PSG9: variants seen among roughly 807,000 people sequenced by gnomAD.
PSG9 encodes pregnancy-specific beta-1-glycoprotein 9.
In PSG9, 49 loss-of-function variants were observed where a neutral mutation model predicts 41.9. The ratio of observed to expected loss-of-function variants is 1.17; its 90% CI spans 0.93 to 1.48. The LOEUF is 1.48. Ranked by LOEUF, PSG9 falls within the 40% of genes most tolerant of loss-of-function variation. The probability of loss-of-function intolerance (pLI) is 0.00; values close to 1 mark genes in which losing one functional copy is unlikely to be tolerated. For synonymous variants in PSG9, 263 were observed against 196.8 expected (o/e 1.34, Z -2.82); for missense variants, 641 against 520.3 (o/e 1.23, Z -2.26).
At position 43,266,292 on chromosome 19, in the gene PSG9, G is replaced by A. The variant is rs183409524; in HGVS notation, c.430+1492C>T. ...GCAAGAGGTAGTGGGGGGATGAAAC[G>A]TGGGTGTCAGCCTCTGAAGGACAAG... On this transcript the variant is annotated intron_variant, in intron 2 of 5. Coordinates refer to ENST00000270077, the MANE Select transcript of PSG9 (RefSeq NM_002784.5). Among the ~76,000 whole-genome samples the A allele has an allele frequency of 8.7e-3, 1,323 of 152,120 alleles. 16 individuals carry two copies. Among genetic ancestry groups the A allele is most frequent in the African/African-American group, 0.027 (1,139 of 41,468 alleles).
intron 4 of PSG9, 136 bp from the exon 5 acceptor site, chr19:43,258,592 G>A: frequency 7.0e-7 from 1 of 1,424,340 alleles, no homozygotes. Flanking sequence ...TATGTTCACT[G>A]AGCTGAAGCC....
Position 43,258,998 on chromosome 19 carries a change from T to C in PSG9, c.847A>G (p.Ser283Gly). Residue 283 changes from serine (S) to glycine (G), a missense_variant, in exon 4 of 6, where the codon AGT becomes GGT. Physicochemically the swap from Ser to Gly is moderately conservative, Grantham distance 56. Transcript: ENST00000270077. Reference protein sequence around the residue: ...WWLNGQSLPVSPGVKRPIENR... With the variant: ...WWLNGQSLPVGPGVKRPIENR... ...TCAATGGGTCGCTTTACCCCGGGAC[T>C]GACGGGGAGGCTCTGACCGTTTAGC... 1 of 1,590,804 alleles carries C rather than the reference T, an allele frequency of 6.3e-7. No homozygotes were observed.
At chr19:43,254,272 A>T (rs897207252) in intron 5 of PSG9, among the ~76,000 whole-genome samples, 3 of 146,100 alleles carry the variant, frequency 2.1e-5, no homozygotes, top group East Asian at 2.4e-4. Context: ...TGGTGTAAAA[A>T]CTTTCCTGGT....
intron 2 of PSG9, among the ~76,000 whole-genome samples, chr19:43,263,218 TG>T (rs1274061331): frequency 6.6e-6 from 1 of 152,148 alleles, no homozygotes; most frequent in Non-Finnish European, 1.5e-5. Context: ...GTTCCGTGGG[TG>T]TGCAGTTCCA....
intron 2 of PSG9, 40 bp downstream of exon 2, chr19:43,267,744 C>G (rs752892333): frequency 3.7e-6 from 6 of 1,612,080 alleles, no homozygotes; most frequent in African/African-American, 2.7e-5. Flanking sequence ...AGAAATGACC[C>G]CTTCCCCCCA....
At chr19:43,266,279 G>A (rs891041459) in intron 2 of PSG9, among the ~76,000 whole-genome samples, 10 of 152,130 alleles carry the variant, frequency 6.6e-5, no homozygotes, top group Non-Finnish European at 1.3e-4. Context: ...AAGAGGTAGT[G>A]GGGGGATGAA....
At chr19:43,264,467 T>A (rs1371751743) in intron 2 of PSG9, among the ~76,000 whole-genome samples, 1 of 151,884 alleles carries the variant, frequency 6.6e-6, no homozygotes, top group Admixed American at 6.6e-5. Flanking sequence ...GACAGCATTT[T>A]TTTTTTCTGA....
intron 1 of PSG9, among the ~76,000 whole-genome samples, chr19:43,269,044 G>A (rs1005457353): frequency 4.0e-4 from 60 of 151,532 alleles, no homozygotes; most frequent in African/African-American, 1.4e-3. Context: ...TCGTACTGTC[G>A]CCCAGGCTGG....
In PSG9 at chr19:43,255,688, T is replaced by A. The variant is rs181754786; in HGVS notation, c.1244-2042A>T. ...AATACAAAATCAACATTCAAACATC[T>A]GTTGTATTTCAATACACTAACCATG... On this transcript the variant is annotated intron_variant, in intron 5 of 5. Coordinates refer to ENST00000270077, the MANE Select transcript of PSG9 (RefSeq NM_002784.5). Among the ~76,000 whole-genome samples, 93 of 146,854 alleles carry A rather than the reference T, an allele frequency of 6.3e-4. 14 individuals carry two copies. The highest frequency in any genetic ancestry group is 4.0e-3 in the Admixed American group (59 of 14,822).
chr19:43,268,214 C>T (rs1969074827), intron 1 of PSG9, 65 bp from the exon 2 acceptor site: 7 of 1,508,622 alleles, frequency 4.6e-6, no homozygotes, highest in East Asian at 2.3e-5. Context: ...AGATGGGGCC[C>T]TGGGTCCTGA....
Position 43,258,296 on chromosome 19 carries a change from T to A in PSG9, c.1149A>T (p.Gln383His). 1.3e-6 allele frequency: 2 copies of A among 1,592,534 alleles called. No individual in the cohort carries two copies. Among genetic ancestry groups the A allele is most frequent in the Non-Finnish European group, 1.7e-6 (2 of 1,174,428 alleles). ...QQSGQKLFIP[Q>H]ITRNHSGLYA... ...AGAGCCCGCTATGATTTCTAGTAATTTGGGGGATAAAGAGCTTTTGTCCTG... is the reference window on the plus strand; with the variant it reads ...AGAGCCCGCTATGATTTCTAGTAATATGGGGGATAAAGAGCTTTTGTCCTG... The change falls in exon 5 of 6, where the codon CAA becomes CAT. Residue 383 changes from glutamine to histidine, a missense_variant. Physicochemically the swap from Gln to His is conservative, Grantham distance 24. Coordinates refer to ENST00000270077, the MANE Select transcript of PSG9 (RefSeq NM_002784.5).
intron 2 of PSG9, among the ~76,000 whole-genome samples, chr19:43,266,926 A>G (rs1366991180): frequency 2.6e-5 from 4 of 152,290 alleles, no homozygotes; most frequent in African/African-American, 9.6e-5. Flanking sequence ...TTTTCATGCT[A>G]TCTGTGAATA....
At chr19:43,264,177 G>T (rs1171156941) in intron 2 of PSG9, among the ~76,000 whole-genome samples, 5 of 151,924 alleles carry the variant, frequency 3.3e-5, no homozygotes, top group Non-Finnish European at 5.9e-5. Flanking sequence ...CACCCACCTG[G>T]CCACCTCCAA....
At chr19:43,254,952 A>G (rs1379072167) in intron 5 of PSG9, among the ~76,000 whole-genome samples, 1 of 144,144 alleles carries the variant, frequency 6.9e-6, no homozygotes, top group Non-Finnish European at 1.5e-5. Flanking sequence ...TTAGCTGGGC[A>G]TGGTGACATG....
intron 5 of PSG9, chr19:43,257,588 C>A: frequency 1.0e-6 from 1 of 985,870 alleles, no homozygotes; most frequent in Non-Finnish European, 1.2e-6. Context: ...CAGCCTGGCC[C>A]GGGGGAGGCT....
chr19:43,258,172 C>T lies in PSG9; in HGVS notation c.1243+30G>A, dbSNP rs1290213476. The stretch of plus-strand genomic sequence containing the variant: ...AGCCAGATAGACTCCACATAAAACC[C>T]TACTGCCAAGGATGCTGGGATCCAC... On this transcript the variant is annotated intron_variant, in intron 5 of 5. Transcript: ENST00000270077. The T allele has an allele frequency of 5.7e-6, 9 of 1,592,462 alleles. 1 individual carries two copies. The Middle Eastern group carries it at 5.2e-4, about 92-fold the overall frequency.
chr19:43,261,959 G>A lies in PSG9; in HGVS notation c.610C>T (p.Leu204=), dbSNP rs568316162. ...GCAATATACTTTGTGACACCAAATA[G>A]ATAGAGGGTCCTGTTGGTTTTGGAC... ...QLSKTNRTLY[L]FGVTKYIAGP... The change falls in exon 3 of 6, where the codon CTA becomes TTA. Residue 204 remains leucine (L), a synonymous_variant. Transcript: ENST00000270077. The A allele has an allele frequency of 6.2e-7, 1 of 1,612,792 alleles. No homozygotes were observed. Among genetic ancestry groups the A allele is most frequent in the Non-Finnish European group, 8.5e-7 (1 of 1,179,672 alleles).
At chr19:43,260,875 T>G (rs987293822) in intron 3 of PSG9, 1 of 152,150 alleles carries the variant, frequency 6.6e-6, no homozygotes, top group Non-Finnish European at 1.5e-5. Flanking sequence ...CTTTAATTTC[T>G]TTCAGCAATG....
rs141864275 is a variant in PSG9 at position 43,261,976 on chromosome 19, G to A, written c.593C>T (p.Thr198Ile). The A allele has an allele frequency of 3.9e-4, 636 of 1,614,054 alleles. 3 individuals carry two copies. The highest frequency in any genetic ancestry group is 5.2e-4 in the Non-Finnish European group (609 of 1,179,948). The change falls in exon 3 of 6, where the codon ACC becomes ATC. Residue 198 changes from threonine (T) to isoleucine (I), a missense_variant. By Grantham distance (89) the Thr-to-Ile change is moderately conservative. Coordinates refer to ENST00000270077, the MANE Select transcript of PSG9 (RefSeq NM_002784.5). ...ACCAAATAGATAGAGGGTCCTGTTG[G>A]TTTTGGACAGCTGCAACCTGTGAGT... is the stretch of plus-strand genomic sequence containing the variant. ...PVTHRLQLSK[T>I]NRTLYLFGVT... is the part of the protein sequence containing the mutation.
Sources: allele counts gnomAD v4.1 joint callset (sites outside exome capture counted in the v4.1 genomes callset), GRCh38; gene constraint gnomAD v4.1.1; transcripts MANE v1.5; gene names NCBI Gene and HGNC (gene_info 2026-07-23, HGNC 2026-07-21).